The following NFASC variants were observed in gnomAD, a reference collection of about 807,000 sequenced individuals.
NFASC encodes the protein neurofascin homolog.
Under a neutral mutation model 147.5 loss-of-function variants are expected in NFASC, and 43 were observed. The observed-to-expected ratio is 0.29, with a 90% CI of 0.23 to 0.38. NFASC has a LOEUF of 0.38. Among genes scored for constraint, NFASC ranks in the 10% least tolerant of loss-of-function variants. The pLI, the probability that NFASC is intolerant of heterozygous loss-of-function variation, is 1.00. For missense variants in NFASC, 1,320 were observed against 1,689.0 expected (o/e 0.78, Z 3.83); for synonymous variants, 622 against 665.5 (o/e 0.93, Z 1.01).
chr1:204,875,005 C>T lies in NFASC; in HGVS notation c.-199-45627C>T, dbSNP rs145463541. On this transcript the variant is annotated intron_variant, in intron 1 of 29. Coordinates refer to ENST00000339876, the MANE Select transcript of NFASC (RefSeq NM_001005388.3). ...TCCCCATTTTATAGATGGGGAAACA[C>T]GTTAAGTGACTTGCCTAAGGTTACA... Among the ~76,000 whole-genome samples the T allele has an allele frequency of 1.7e-4, 26 of 152,162 alleles. No homozygotes were observed. The East Asian group carries it at 4.1e-3, about 24-fold the overall frequency.
At chr1:204,870,539 C>T (rs183739061) in intron 1 of NFASC, 47 of 340,044 alleles carry the variant, frequency 1.4e-4, no homozygotes, top group African/African-American at 9.8e-4. Context: ...GGGTCTGCTC[C>T]CCACCCCACC....
intron 1 of NFASC, among the ~76,000 whole-genome samples, chr1:204,880,465 C>T (rs6659320): frequency 0.026 from 3,915 of 152,238 alleles, 179 homozygotes; most frequent in African/African-American, 0.085. Context: ...ACGCCATTCT[C>T]CTGCCTCAGC....
intron 22 of NFASC, 34 bp from the exon 23 acceptor site, chr1:204,988,599 T>G: frequency 4.4e-6 from 7 of 1,601,450 alleles, no homozygotes; most frequent in Non-Finnish European, 6.0e-6. Context: ...TAAATGTTGC[T>G]AAAGTTTAAT....
At chr1:204,951,867 G>A in intron 4 of NFASC, 144 bp from the exon 5 acceptor site, 1 of 607,952 alleles carries the variant, frequency 1.6e-6, no homozygotes, top group Non-Finnish European at 3.0e-6. Context: ...CTCTAGAATG[G>A]GGCCCTGTTC....
Position 204,955,274 on chromosome 1 carries a change from A to G in NFASC, c.535+323A>G, listed in dbSNP as rs148889464. Among the ~76,000 whole-genome samples the G allele has an allele frequency of 8.9e-4, 135 of 152,356 alleles. 3 individuals are homozygous for G. In the South Asian group the frequency reaches 0.012, roughly 13 times the overall value. ...GATTATTATAAGAATAAATGAGTCA[A>G]TACGTCCAAAGTGCTTAGAACAGGG... On this transcript the variant is annotated intron_variant, in intron 7 of 29. Coordinates refer to ENST00000339876, the MANE Select transcript of NFASC (RefSeq NM_001005388.3).
chr1:204,856,381 A>AGG (rs935902257), intron 1 of NFASC, among the ~76,000 whole-genome samples: 1 of 43,616 alleles, frequency 2.3e-5, no homozygotes, highest in Non-Finnish European at 5.1e-5. Flanking sequence ...GATGCAGAAC[A>AGG]GGTGTGTGTG....
Position 204,976,745 on chromosome 1 carries a change from C to T in NFASC, c.1781C>T (p.Ala594Val), listed in dbSNP as rs2095413877. 6.2e-7 allele frequency: 1 copy of T among 1,614,118 alleles called. No homozygotes were observed. Among genetic ancestry groups the T allele is most frequent in the Non-Finnish European group, 8.5e-7 (1 of 1,179,974 alleles). ...GACCAGGGCAGTTACACGTGTGTCG[C>T]CAGCACCGAGCTAGACCAAGACCTG... ...ERDQGSYTCV[A>V]STELDQDLAK... is the part of the protein sequence containing the mutation. Residue 594 changes from alanine (A) to valine (V), a missense_variant, in exon 16 of 30, where the codon GCC becomes GTC. Ala to Val is a moderately conservative substitution (Grantham distance 64). This residue lies in a region of NFASC where 981 missense variants were observed against 1,289.5 expected (regional missense o/e 0.76). Transcript: ENST00000339876.
At chr1:204,907,260 A>G (rs1470177702) in intron 1 of NFASC, among the ~76,000 whole-genome samples, 1 of 152,124 alleles carries the variant, frequency 6.6e-6, no homozygotes, top group African/African-American at 2.4e-5. Context: ...TATCATCTTC[A>G]ATGAAGTGTC....
intron 3 of NFASC, chr1:204,947,152 C>A: frequency 3.6e-6 from 1 of 276,896 alleles, no homozygotes; most frequent in South Asian, 3.7e-5. Context: ...CCTCAAGACC[C>A]ATGGGCTTCT....
chr1:204,928,971 C>T (rs1362291838), intron 2 of NFASC, among the ~76,000 whole-genome samples: 1 of 152,188 alleles, frequency 6.6e-6, no homozygotes, highest in Non-Finnish European at 1.5e-5. Context: ...TCCCTTTCTT[C>T]TTTCCCAGCC....
chr1:204,990,826 G>A (rs1334657728), intron 23 of NFASC, among the ~76,000 whole-genome samples: 2 of 152,158 alleles, frequency 1.3e-5, no homozygotes, highest in Non-Finnish European at 2.9e-5. Flanking sequence ...CCTTTTGACT[G>A]GAGTTGGTGT....
chr1:204,957,616 A>T, intron 7 of NFASC, 40 bp from the exon 8 acceptor site: 1 of 1,601,362 alleles, frequency 6.2e-7, no homozygotes, highest in Non-Finnish European at 8.6e-7. Context: ...GATTACTGTT[A>T]TTACTACTAA....
At position 204,986,506 on chromosome 1, in the gene NFASC, C is replaced by G. The variant is rs1232193032; in HGVS notation, c.2471-912C>G. 6.6e-6 allele frequency among the ~76,000 whole-genome samples: 1 copy of G among 152,224 alleles called. No individual in the cohort carries two copies. Among genetic ancestry groups the G allele is most frequent in the East Asian group, 1.9e-4 (1 of 5,192 alleles). On this transcript the variant is annotated intron_variant, in intron 21 of 29. Transcript: ENST00000339876. This position sits in a 1 kb window ranked among gnomAD's most constrained non-coding sequence, Gnocchi z 4.2. ...CACCCAACACCTTCACGGTTCTCCC[C>G]CCACGTTCTCAAGAAGCCGTCACTG...
At chr1:204,949,598 C>A (rs1322907020) in intron 3 of NFASC, among the ~76,000 whole-genome samples, 2 of 152,236 alleles carry the variant, frequency 1.3e-5, no homozygotes, top group African/African-American at 4.8e-5. Flanking sequence ...GACCTTGTCC[C>A]CACAAAAAGC....
Position 205,018,758 on chromosome 1 carries a change from A to G in NFASC, c.*2219A>G, listed in dbSNP as rs1221689353. 2 of 152,568 alleles carry G rather than the reference A, an allele frequency of 1.3e-5. No homozygotes were observed. Among genetic ancestry groups the G allele is most frequent in the African/African-American group, 4.8e-5 (2 of 41,462 alleles). The allele number at this position is 152,568 out of a possible 1,614,324, so 9.5% of individuals were successfully genotyped here. On this transcript the variant is annotated 3_prime_UTR_variant, in exon 30 of 30. Transcript: ENST00000339876. The stretch of plus-strand genomic sequence containing the variant: ...CGCTTTGGATCTGAGCAGAGTAGTC[A>G]GTTTCTCAGACACTCATTCCATACT...
At chr1:204,910,504 A>T (rs966953978) in intron 1 of NFASC, among the ~76,000 whole-genome samples, 1 of 118,418 alleles carries the variant, frequency 8.4e-6, no homozygotes, top group African/African-American at 3.0e-5. Flanking sequence ...ATGCAGTGGC[A>T]CCTTCTTTGG....
At chr1:204,978,756 G>GC (rs1459294813) in intron 17 of NFASC, among the ~76,000 whole-genome samples, 3 of 151,912 alleles carry the variant, frequency 2.0e-5, no homozygotes, top group African/African-American at 7.3e-5. Context: ...ATTCTTTGTG[G>GC]GGGGGGGCTG....
chr1:204,990,004 T>A (rs1445798378), intron 23 of NFASC: 1 of 152,384 alleles, frequency 6.6e-6, no homozygotes, highest in Non-Finnish European at 1.5e-5. Context: ...TCTCTGGGGC[T>A]ACCAGGCCCG....
At chr1:204,891,712 G>A (rs1054463504) in intron 1 of NFASC, among the ~76,000 whole-genome samples, 1 of 152,220 alleles carries the variant, frequency 6.6e-6, no homozygotes, top group Non-Finnish European at 1.5e-5. Flanking sequence ...TGCCAGGAGT[G>A]TGGGGCACAG....
Sources: gnomAD v4.1 joint callset for allele counts (sites outside exome capture counted in the v4.1 genomes callset) on GRCh38, gnomAD v4.1.1 for gene constraint, gnomAD v4.1.1 regional missense constraint, Gnocchi (gnomAD v3.1) non-coding constraint, MANE v1.5 for transcripts, NCBI Gene and HGNC (gene_info 2026-07-23, HGNC 2026-07-21) for gene names.